Variants in PZP observed in about 807,000 individuals in gnomAD.
PZP encodes PZP alpha-2-macroglobulin like, also known as pregnancy zone protein.
A neutral mutation model predicts 179.8 loss-of-function variants in PZP; 150 were observed. That is an observed-to-expected ratio of 0.83 (90% CI 0.73 to 0.96). The LOEUF is 0.96. Among genes scored for constraint, PZP ranks in the 40% least tolerant of loss-of-function variants. The probability of loss-of-function intolerance (pLI) is 0.00; values close to 1 mark genes in which losing one functional copy is unlikely to be tolerated. For synonymous variants in PZP, 624 were observed against 652.3 expected, an observed-to-expected ratio of 0.96 and a Z score of 0.66; for missense variants, 1,689 against 1,764.0, an observed-to-expected ratio of 0.96 and a Z score of 0.76.
chr12:9,149,684 A>G (rs762561598), intron 34 of PZP, 82 bp from the exon 35 acceptor site: 1 of 1,405,560 alleles, frequency 7.1e-7, no homozygotes, highest in Non-Finnish European at 9.8e-7. Flanking sequence ...TCACTTTACT[A>G]CTGGAGAAAA....
downstream of PZP, among the ~76,000 whole-genome samples, chr12:9,146,775 T>G (rs1228667166): frequency 3.5e-4 from 53 of 152,132 alleles, no homozygotes; most frequent in Non-Finnish European, 8.8e-5. Flanking sequence ...GGAGTTATAG[T>G]GTTCACCACT....
At chr12:9,160,558 A>G in intron 23 of PZP, 68 bp from the exon 24 acceptor site, 1 of 1,437,548 alleles carries the variant, frequency 7.0e-7, no homozygotes, top group Non-Finnish European at 9.5e-7. Context: ...TATTAACAAA[A>G]ATGGCCTTTA....
intron 25 of PZP, among the ~76,000 whole-genome samples, chr12:9,159,662 A>T (rs1941026469): frequency 6.6e-6 from 1 of 151,574 alleles, no homozygotes; most frequent in Admixed American, 6.6e-5. Context: ...AGAAGGAGAG[A>T]CCCAAGTGAG....
At chr12:9,161,648 A>G (rs1941209661) in intron 22 of PZP, among the ~76,000 whole-genome samples, 1 of 152,232 alleles carries the variant, frequency 6.6e-6, no homozygotes, top group South Asian at 2.1e-4. Flanking sequence ...CCCTTACACT[A>G]TATTTGAATG....
At chr12:9,140,266 G>T in the PZP span, among the ~76,000 whole-genome samples, 7 of 152,218 alleles carry the variant, frequency 4.6e-5, no homozygotes, top group East Asian at 3.9e-4. Context: ...ATAGTAGTAG[G>T]GGGGGGCCCA....
At chr12:9,148,325 T>C (rs1485647378), downstream of PZP, among the ~76,000 whole-genome samples, 1 of 152,174 alleles carries the variant, frequency 6.6e-6, no homozygotes, top group Non-Finnish European at 1.5e-5. Context: ...AGGATGCAGG[T>C]TACTCCCCTT....
At chr12:9,171,495 C>T (rs1345532895) in intron 15 of PZP, among the ~76,000 whole-genome samples, 2 of 152,156 alleles carry the variant, frequency 1.3e-5, no homozygotes, top group East Asian at 1.9e-4. Context: ...GGCACAGAAC[C>T]GGGCTGAGGC....
chr12:9,147,260 AGCAGCTAGACT>A (rs2120453672), downstream of PZP, among the ~76,000 whole-genome samples: 1 of 152,252 alleles, frequency 6.6e-6, no homozygotes, highest in African/African-American at 2.4e-5. Flanking sequence ...TTCTCCTTCA[AGCAGCTAGACT>A]GTGCTTGTCC....
chr12:9,169,944 A>G (rs1941869212), intron 15 of PZP: 1 of 162,944 alleles, frequency 6.1e-6, no homozygotes, highest in Non-Finnish European at 1.3e-5. Context: ...TTAGCTACAT[A>G]TTATTATTGC....
chr12:9,156,378 CT>C (rs1435467310), intron 28 of PZP: 1 of 180,466 alleles, frequency 5.5e-6, no homozygotes, highest in Non-Finnish European at 1.2e-5. Context: ...ATCTCTGGAT[CT>C]TGTAAATGTC....
intron 15 of PZP, among the ~76,000 whole-genome samples, chr12:9,179,379 A>G (rs937903143): frequency 6.6e-6 from 1 of 152,196 alleles, no homozygotes; most frequent in African/African-American, 2.4e-5. Context: ...CAATAGATCC[A>G]GCATGTAGTA....
intron 28 of PZP, chr12:9,156,145 AT>A: frequency 4.6e-6 from 1 of 216,556 alleles, no homozygotes; most frequent in Non-Finnish European, 9.6e-6. Context: ...TTTGTCTTTG[AT>A]TTTATGTCAG....
the PZP span, among the ~76,000 whole-genome samples, chr12:9,140,393 C>T: frequency 4.0e-4 from 61 of 152,216 alleles, 2 homozygotes; most frequent in African/African-American, 1.3e-3. Context: ...GTTTCTTACT[C>T]GGCCCAATTG....
At chr12:9,197,220 C>A in intron 7 of PZP, 97 bp from the exon 8 acceptor site, 1 of 752,192 alleles carries the variant, frequency 1.3e-6, no homozygotes, top group African/African-American at 1.8e-5. Context: ...GTTGCCTACA[C>A]ATCTTTATCA....
chr12:9,143,301 G>T, the PZP span, among the ~76,000 whole-genome samples: 1 of 152,190 alleles, frequency 6.6e-6, no homozygotes, highest in Non-Finnish European at 1.5e-5. Context: ...CCACTTCCCA[G>T]AGTAGGAGAA....
intron 23 of PZP, among the ~76,000 whole-genome samples, chr12:9,160,703 A>G (rs1941124201): frequency 6.6e-6 from 1 of 152,176 alleles, no homozygotes; most frequent in Non-Finnish European, 1.5e-5. Context: ...TCATGAGGTC[A>G]GGATATCGAG....
At chr12:9,152,530 A>G (rs1364154807) in intron 31 of PZP, among the ~76,000 whole-genome samples, 4 of 152,220 alleles carry the variant, frequency 2.6e-5, no homozygotes, top group Admixed American at 2.6e-4. Flanking sequence ...GCATCACCCC[A>G]AAACTATCAA....
At chr12:9,149,748 G>T (rs1055146068) in intron 34 of PZP, 146 bp from the exon 35 acceptor site, 1 of 652,704 alleles carries the variant, frequency 1.5e-6, no homozygotes, top group Non-Finnish European at 2.6e-6. Flanking sequence ...GAATTAAACA[G>T]GATCATTAAC....
chr12:9,143,947 A>G (rs1035436061), downstream of PZP, among the ~76,000 whole-genome samples: 1 of 152,232 alleles, frequency 6.6e-6, no homozygotes, highest in Admixed American at 6.5e-5. Context: ...CTCTTTCTAA[A>G]GAGAACAATT....
Sources: gnomAD v4.1 joint callset for allele counts (sites outside exome capture counted in the v4.1 genomes callset) on GRCh38, gnomAD v4.1.1 for gene constraint, MANE v1.5 for transcripts, NCBI Gene and HGNC (gene_info 2026-07-23, HGNC 2026-07-21) for gene names.